The following CA10 variants were observed in gnomAD, a reference collection of about 807,000 sequenced individuals.
CA10 encodes carbonic anhydrase-related protein 10.
In CA10, 14 loss-of-function variants were observed where a neutral mutation model predicts 44.2. The ratio of observed to expected loss-of-function variants is 0.32; its 90% confidence interval spans 0.21 to 0.50. The LOEUF (loss-of-function observed/expected upper bound fraction) is 0.50. Ranked by LOEUF, CA10 falls within the 20% of genes least tolerant of loss-of-function variation. CA10 has a pLI of 0.99. For synonymous variants in CA10, 159 were observed against 141.6 expected (o/e 1.12, Z -0.87); for missense variants, 350 against 409.7 (o/e 0.85, Z 1.26).
chr17:51,972,078 A>G (rs1014748854), intron 2 of CA10, among the ~76,000 whole-genome samples: 18 of 152,096 alleles, frequency 1.2e-4, no homozygotes, highest in African/African-American at 4.3e-4. Flanking sequence ...ATGTAATTAT[A>G]TAACAAAATA....
In CA10 at chr17:51,989,471, T is replaced by C. The variant is rs57517275; in HGVS notation, c.137-58339A>G. ...CAAAGATAATGGCCTCAAAGGAATA[T>C]AAATTATTCTACTATAAAGGCACAT... On this transcript the variant is annotated intron_variant, in intron 2 of 8. Transcript: ENST00000451037. Among the ~76,000 whole-genome samples, 1,094 of 152,144 alleles carry C rather than the reference T, an allele frequency of 7.2e-3. 17 individuals carry two copies. Among genetic ancestry groups the C allele is most frequent in the African/African-American group, 0.025 (1,031 of 41,546 alleles).
At chr17:52,107,854 C>A (rs906959478) in intron 1 of CA10, among the ~76,000 whole-genome samples, 1 of 152,064 alleles carries the variant, frequency 6.6e-6, no homozygotes, top group Non-Finnish European at 1.5e-5. Flanking sequence ...TCCATCCTTG[C>A]AACAAACATT....
At chr17:51,710,132 T>C (rs1327245090) in intron 4 of CA10, among the ~76,000 whole-genome samples, 1 of 152,212 alleles carries the variant, frequency 6.6e-6, no homozygotes, top group African/African-American at 2.4e-5. Flanking sequence ...GAGTCAGCAC[T>C]GAAGAACTGG....
chr17:52,141,887 C>G (rs566950378), intron 1 of CA10, among the ~76,000 whole-genome samples: 30 of 152,190 alleles, frequency 2.0e-4, no homozygotes, highest in Non-Finnish European at 3.7e-4. Flanking sequence ...GATGGGGATA[C>G]CCTAGATGAA....
chr17:51,771,744 G>T (rs1905621096), intron 3 of CA10, among the ~76,000 whole-genome samples: 1 of 152,194 alleles, frequency 6.6e-6, no homozygotes, highest in African/African-American at 2.4e-5. Context: ...TTGGAACAAT[G>T]GTTTCCTAGG....
intron 3 of CA10, among the ~76,000 whole-genome samples, chr17:51,811,111 G>A (rs143102862): frequency 1.6e-3 from 244 of 151,504 alleles, no homozygotes; most frequent in African/African-American, 5.7e-3. Flanking sequence ...TCGGAGAATC[G>A]CTGGAACCCA....
At chr17:51,663,591 A>C (rs941148919) in intron 4 of CA10, among the ~76,000 whole-genome samples, 1 of 152,216 alleles carries the variant, frequency 6.6e-6, no homozygotes, top group African/African-American at 2.4e-5. Flanking sequence ...ATAACCACTC[A>C]AATAATCGTG....
chr17:51,801,323 T>C (rs977609216), intron 3 of CA10, among the ~76,000 whole-genome samples: 3 of 152,174 alleles, frequency 2.0e-5, no homozygotes, highest in Non-Finnish European at 4.4e-5. Context: ...TGGTCGTCAG[T>C]AAATCTCCAG....
intron 3 of CA10, among the ~76,000 whole-genome samples, chr17:51,755,299 T>A (rs963684512): frequency 6.6e-6 from 1 of 152,200 alleles, no homozygotes; most frequent in African/African-American, 2.4e-5. Flanking sequence ...AAGAGGTATA[T>A]CTTTTTATAA....
At chr17:51,949,172 G>A (rs993017572) in intron 2 of CA10, among the ~76,000 whole-genome samples, 1 of 152,128 alleles carries the variant, frequency 6.6e-6, no homozygotes, top group African/African-American at 2.4e-5. Context: ...AGTTGGGATT[G>A]CAATAACTAT....
intron 3 of CA10, among the ~76,000 whole-genome samples, chr17:51,749,206 A>T (rs1007739045): frequency 6.6e-6 from 1 of 152,040 alleles, no homozygotes; most frequent in Non-Finnish European, 1.5e-5. Context: ...CTATAACTAC[A>T]CTCCCAACAA....
At chr17:51,749,491 C>A (rs1367570870) in intron 3 of CA10, among the ~76,000 whole-genome samples, 3 of 152,202 alleles carry the variant, frequency 2.0e-5, no homozygotes, top group African/African-American at 7.2e-5. Flanking sequence ...TGTGGCTGAT[C>A]CACTAGCTGA....
chr17:51,643,606 C>T (rs1913191427), intron 6 of CA10, among the ~76,000 whole-genome samples: 1 of 152,138 alleles, frequency 6.6e-6, no homozygotes, highest in African/African-American at 2.4e-5. Context: ...AGTAGAATCT[C>T]ATTAAATCAT....
chr17:51,869,990 G>A (rs1442522217), intron 3 of CA10, among the ~76,000 whole-genome samples: 1 of 152,136 alleles, frequency 6.6e-6, no homozygotes, highest in Non-Finnish European at 1.5e-5. Context: ...GTGCTTGTCC[G>A]AGTCATCACA....
At chr17:51,902,518 C>T (rs1348457331) in intron 3 of CA10, among the ~76,000 whole-genome samples, 2 of 152,120 alleles carry the variant, frequency 1.3e-5, no homozygotes, top group African/African-American at 2.4e-5. Flanking sequence ...GCATAGTTAC[C>T]TGCCAAGGCC....
At chr17:52,051,051 G>A (rs563024708) in intron 2 of CA10, among the ~76,000 whole-genome samples, 55 of 151,218 alleles carry the variant, frequency 3.6e-4, no homozygotes, top group African/African-American at 1.3e-3. Flanking sequence ...AGGAAGGAGG[G>A]AGGGAGGGGA....
chr17:52,149,683 G>C (rs1989662907), intron 1 of CA10, among the ~76,000 whole-genome samples: 1 of 152,140 alleles, frequency 6.6e-6, no homozygotes, highest in Non-Finnish European at 1.5e-5. Flanking sequence ...CAGGGTCCTG[G>C]CTTTTTTTTC....
At chr17:51,633,381 AT>A in intron 8 of CA10, 94 bp downstream of exon 8, 1 of 1,170,722 alleles carries the variant, frequency 8.5e-7, no homozygotes, top group Non-Finnish European at 1.2e-6. Context: ...CATCATTCCT[AT>A]AATGGAAGAT....
At chr17:52,095,500 A>C (rs1052754996) in intron 1 of CA10, among the ~76,000 whole-genome samples, 1 of 152,180 alleles carries the variant, frequency 6.6e-6, no homozygotes, top group African/African-American at 2.4e-5. Context: ...TAATCAACCA[A>C]ACAGCACTCT....
Sources: gnomAD v4.1 joint callset for allele counts (sites outside exome capture counted in the v4.1 genomes callset) on GRCh38, gnomAD v4.1.1 for gene constraint, MANE v1.5 for transcripts, NCBI Gene and HGNC (gene_info 2026-07-23, HGNC 2026-07-21) for gene names.